The following PDE8B variants were observed in gnomAD, a reference collection of about 807,000 sequenced individuals.
PDE8B encodes the protein phosphodiesterase 8B, also known as high affinity cAMP-specific and IBMX-insensitive 3',5'-cyclic phosphodiesterase 8B.
A neutral mutation model predicts 101.3 loss-of-function variants in PDE8B; 26 were observed. The observed-to-expected ratio is 0.26, with a 90% CI of 0.19 to 0.36. The LOEUF (loss-of-function observed/expected upper bound fraction) is 0.36, where lower values mean the gene tolerates loss of function less well. PDE8B is among the 10% of genes least tolerant of loss of function. The pLI is 1.00. For missense variants in PDE8B, 810 were observed against 1,163.1 expected (o/e 0.70, Z 4.42); for synonymous variants, 424 against 429.3 (o/e 0.99, Z 0.15).
chr5:77,346,460 G>T (rs968251733), intron 7 of PDE8B, among the ~76,000 whole-genome samples: 2 of 152,172 alleles, frequency 1.3e-5, no homozygotes, highest in African/African-American at 4.8e-5. Context: ...CCCACTAGCC[G>T]CCCCTCCACC....
chr5:77,317,589 A>G (rs58063290), intron 2 of PDE8B, among the ~76,000 whole-genome samples: 5,569 of 152,288 alleles, frequency 0.037, 137 homozygotes, highest in African/African-American at 0.057. Flanking sequence ...GGAAAGTCAT[A>G]TTTTCCAATC....
intron 12 of PDE8B, among the ~76,000 whole-genome samples, chr5:77,406,998 GC>G (rs1192133279): frequency 6.6e-6 from 1 of 152,168 alleles, no homozygotes; most frequent in Non-Finnish European, 1.5e-5. Flanking sequence ...TGGTTACACG[GC>G]CAGCAGCTTA....
At chr5:77,129,684 GTTC>G in the PDE8B span, among the ~76,000 whole-genome samples, 1 of 152,172 alleles carries the variant, frequency 6.6e-6, no homozygotes, top group Admixed American at 6.5e-5. Flanking sequence ...ATTTAGCTCT[GTTC>G]TTCTCTTTCT....
chr5:77,419,061 C>T (rs973798964), intron 18 of PDE8B, among the ~76,000 whole-genome samples: 2 of 152,178 alleles, frequency 1.3e-5, no homozygotes, highest in Non-Finnish European at 2.9e-5. Flanking sequence ...CTATGTGAAC[C>T]TATTGGTTTG....
chr5:77,216,533 C>G (rs1380467626), intron 1 of PDE8B, among the ~76,000 whole-genome samples: 1 of 152,156 alleles, frequency 6.6e-6, no homozygotes, highest in African/African-American at 2.4e-5. Context: ...TACCTCTCAC[C>G]AGGTCCCTCC....
intron 1 of PDE8B, among the ~76,000 whole-genome samples, chr5:77,282,710 G>A (rs552913773): frequency 6.6e-6 from 1 of 152,094 alleles, no homozygotes; most frequent in African/African-American, 2.4e-5. Context: ...TTCCGACAGC[G>A]AATTTGAGCC....
intron 10 of PDE8B, among the ~76,000 whole-genome samples, chr5:77,371,634 G>T (rs973628870): frequency 7.2e-5 from 11 of 152,228 alleles, no homozygotes; most frequent in African/African-American, 2.6e-4. Flanking sequence ...AGCCTGCTGA[G>T]TTTATTTTTA....
chr5:77,353,613 G>A (rs73764819), intron 10 of PDE8B, among the ~76,000 whole-genome samples: 5,131 of 152,056 alleles, frequency 0.034, 269 homozygotes, highest in African/African-American at 0.11. Flanking sequence ...AGTGCACATC[G>A]GTTATGATTT....
upstream of PDE8B, chr5:77,210,603 G>C (rs188935447): frequency 6.0e-3 from 5,920 of 980,174 alleles, 260 homozygotes; most frequent in African/African-American, 0.092. The surrounding 1 kb of genome is among the most constrained non-coding windows in gnomAD (Gnocchi z 4.9). Context: ...AGGGAGGAGG[G>C]GAAGGCGGAG....
the PDE8B span, among the ~76,000 whole-genome samples, chr5:77,189,504 GA>G: frequency 6.6e-6 from 1 of 152,186 alleles, no homozygotes; most frequent in African/African-American, 2.4e-5. Context: ...ATGCCTCCCT[GA>G]TAATGTAATA....
chr5:77,209,866 T>A (rs769230343), upstream of PDE8B, among the ~76,000 whole-genome samples: 3 of 152,218 alleles, frequency 2.0e-5, no homozygotes, highest in Non-Finnish European at 4.4e-5. Context: ...GGGGAACGTA[T>A]GTGTTCAAGG....
intron 2 of PDE8B, among the ~76,000 whole-genome samples, chr5:77,322,949 G>A (rs920028538): frequency 2.6e-5 from 4 of 152,178 alleles, no homozygotes; most frequent in African/African-American, 9.7e-5. Context: ...TATTCTTACT[G>A]TATTAGTCAA....
the PDE8B span, among the ~76,000 whole-genome samples, chr5:77,094,868 C>T: frequency 6.6e-6 from 1 of 152,102 alleles, no homozygotes; most frequent in Non-Finnish European, 1.5e-5. Flanking sequence ...AACTCATACC[C>T]CCCAGGTAGG....
chr5:77,256,079 A>C (rs566166197), intron 1 of PDE8B, among the ~76,000 whole-genome samples: 1 of 152,176 alleles, frequency 6.6e-6, no homozygotes, highest in African/African-American at 2.4e-5. Flanking sequence ...TCATTATCTC[A>C]TGGGAAACTG....
the PDE8B span, among the ~76,000 whole-genome samples, chr5:77,101,901 C>T: frequency 6.6e-6 from 1 of 152,080 alleles, no homozygotes; most frequent in Non-Finnish European, 1.5e-5. Flanking sequence ...TTAAGAGGTA[C>T]AGACTTTCTG....
the PDE8B span, chr5:77,148,592 C>T: frequency 6.6e-5 from 10 of 152,162 alleles, no homozygotes; most frequent in Non-Finnish European, 1.2e-4. Context: ...GTAGTGATAT[C>T]TTATCGTGGT....
chr5:77,264,765 T>C (rs890408246), intron 1 of PDE8B, among the ~76,000 whole-genome samples: 1 of 152,144 alleles, frequency 6.6e-6, no homozygotes, highest in African/African-American at 2.4e-5. Flanking sequence ...TTAAAATCAT[T>C]TTTACAGGAG....
At chr5:77,281,984 G>A (rs968859966) in intron 1 of PDE8B, among the ~76,000 whole-genome samples, 1 of 152,218 alleles carries the variant, frequency 6.6e-6, no homozygotes, top group South Asian at 2.1e-4. Context: ...AGTAATGTGT[G>A]TTTCAGATTC....
At chr5:77,149,545 C>T in the PDE8B span, among the ~76,000 whole-genome samples, 106,039 of 152,104 alleles carry the variant, frequency 0.7, 37,291 homozygotes, top group East Asian at 0.94. Context: ...TTCTTAGTAA[C>T]GTTTCACAAT....
Sources: gnomAD v4.1 joint callset for allele counts (sites outside exome capture counted in the v4.1 genomes callset) on GRCh38, gnomAD v4.1.1 for gene constraint, Gnocchi (gnomAD v3.1) non-coding constraint, MANE v1.5 for transcripts, NCBI Gene and HGNC (gene_info 2026-07-23, HGNC 2026-07-21) for gene names.